Variants in OSBPL10 observed in about 807,000 individuals in gnomAD.
OSBPL10 encodes the protein oxysterol-binding protein-related protein 10.
A neutral mutation model predicts 81.7 loss-of-function variants in OSBPL10; 49 were observed. The observed-to-expected ratio is 0.60, with a 90% CI of 0.48 to 0.76. The LOEUF is 0.76. OSBPL10 is among the 30% of genes least tolerant of loss of function. The pLI, the probability that OSBPL10 is intolerant of heterozygous loss-of-function variation, is 0.00. For synonymous variants in OSBPL10, 419 were observed against 383.6 expected, an observed-to-expected ratio of 1.09 and a Z score of -1.08; for missense variants, 923 against 987.8, an observed-to-expected ratio of 0.93 and a Z score of 0.88.
At chr3:31,843,382 T>C (rs1327596739) in intron 3 of OSBPL10, among the ~76,000 whole-genome samples, 1 of 152,194 alleles carries the variant, frequency 6.6e-6, no homozygotes, top group East Asian at 1.9e-4. Context: ...TTGGCTTAAA[T>C]TGCCCACAGC....
chr3:31,734,001 C>T (rs1316036672), intron 5 of OSBPL10, among the ~76,000 whole-genome samples: 1 of 150,224 alleles, frequency 6.7e-6, no homozygotes, highest in African/African-American at 2.5e-5. Context: ...CAGAGCAAGA[C>T]TCTGTCTCAA....
intron 1 of OSBPL10, among the ~76,000 whole-genome samples, chr3:31,945,733 GA>G (rs1697681148): frequency 1.3e-5 from 2 of 152,174 alleles, no homozygotes. Flanking sequence ...CCCTTGACCA[GA>G]GGGGTTTATA....
chr3:32,006,983 A>T (rs971439331), intron 2 of OSBPL10, among the ~76,000 whole-genome samples: 1 of 151,806 alleles, frequency 6.6e-6, no homozygotes, highest in African/African-American at 2.4e-5. Context: ...GCCCAGGCTG[A>T]TCTCAAACTC....
At chr3:31,962,638 A>T (rs562055187) in intron 1 of OSBPL10, among the ~76,000 whole-genome samples, 20 of 152,162 alleles carry the variant, frequency 1.3e-4, no homozygotes, top group Middle Eastern at 3.2e-3. Flanking sequence ...AGAAATGTAC[A>T]GTTAGGGTTT....
At position 31,963,840 on chromosome 3, in the gene OSBPL10, AT is replaced by A. The variant is rs557535829; in HGVS notation, c.281+17058del. Among the ~76,000 whole-genome samples, 277 of 146,326 alleles carry A rather than the reference AT, an allele frequency of 1.9e-3. 1 individual carries two copies. Among genetic ancestry groups the A allele is most frequent in the African/African-American group, 3.7e-3 (148 of 40,144 alleles). On this transcript the variant is annotated intron_variant, in intron 1 of 11. Transcript: ENST00000396556. Reference sequence around the variant, plus strand: ...TCACCTTCCACACCCTCCCAATTAGATTTTTTTTTTTTAATCTCAAGGTCCT... The same window carrying A: ...TCACCTTCCACACCCTCCCAATTAGATTTTTTTTTTTAATCTCAAGGTCCT...
At chr3:31,733,166 A>G in intron 6 of OSBPL10, 91 bp downstream of exon 6, 1 of 1,530,540 alleles carries the variant, frequency 6.5e-7, no homozygotes, top group Non-Finnish European at 8.8e-7. Context: ...CTCTTAAAAC[A>G]AAGAGATGAG....
At chr3:31,940,983 C>G (rs949048761) in intron 1 of OSBPL10, among the ~76,000 whole-genome samples, 4 of 152,080 alleles carry the variant, frequency 2.6e-5, no homozygotes, top group African/African-American at 9.7e-5. Context: ...ATTTCCCTCC[C>G]CAGAATGTGA....
rs1559483392 is a variant in OSBPL10, at chr3:31,830,226, A to G, written c.543T>C (p.Ala181=). ...TGAGACTTCGGCTTCGGGAGCTTGG[A>G]GCACTCTAGAATAAGCAACAGGTGT... The part of the protein sequence containing the change: ...KYHMEMNSKS[A]PSSRSRSLTL... The change falls in exon 4 of 12, where the codon GCT becomes GCC. Residue 181 remains alanine, a synonymous_variant. Coordinates refer to ENST00000396556, the MANE Select transcript of OSBPL10 (RefSeq NM_017784.5). 6.2e-7 allele frequency: 1 copy of G among 1,613,020 alleles called. No homozygotes were observed. The highest frequency in any genetic ancestry group is 8.5e-7 in the Non-Finnish European group (1 of 1,179,544).
intron 1 of OSBPL10, among the ~76,000 whole-genome samples, chr3:32,061,843 T>C (rs115370917): frequency 0.014 from 1,283 of 92,890 alleles, 272 homozygotes; most frequent in African/African-American, 0.034. Context: ...CTTACTGTGT[T>C]GAGCAGGCTG....
At chr3:31,687,321 A>C (rs904912109) in intron 7 of OSBPL10, among the ~76,000 whole-genome samples, 3 of 152,140 alleles carry the variant, frequency 2.0e-5, no homozygotes, top group African/African-American at 7.2e-5. Flanking sequence ...TCTAGACAAG[A>C]ATCTTCATGT....
At chr3:31,784,479 T>C (rs1352407191) in intron 4 of OSBPL10, among the ~76,000 whole-genome samples, 2 of 152,234 alleles carry the variant, frequency 1.3e-5, no homozygotes, top group Non-Finnish European at 2.9e-5. Flanking sequence ...TACTTGTATT[T>C]ATTATAAAGA....
intron 3 of OSBPL10, among the ~76,000 whole-genome samples, chr3:31,843,541 A>G (rs956584823): frequency 6.6e-6 from 1 of 152,198 alleles, no homozygotes; most frequent in African/African-American, 2.4e-5. Context: ...GAACCCATCT[A>G]AAACAATAAA....
intron 2 of OSBPL10, chr3:32,030,679 T>C (rs1251576957): frequency 7.7e-6 from 8 of 1,038,842 alleles, no homozygotes; most frequent in Non-Finnish European, 1.1e-5. Flanking sequence ...CATGGCATAA[T>C]AGGTGTTAAA....
intron 4 of OSBPL10, among the ~76,000 whole-genome samples, chr3:31,811,789 A>G (rs980446284): frequency 1.3e-5 from 2 of 152,214 alleles, no homozygotes; most frequent in African/African-American, 4.8e-5. Context: ...TGGTAACAGT[A>G]GTTGCCCATC....
chr3:31,857,839 A>G, intron 3 of OSBPL10, among the ~76,000 whole-genome samples: 1 of 67,040 alleles, frequency 1.5e-5, no homozygotes, highest in Non-Finnish European at 2.8e-5. Context: ...AGGGAGAGGG[A>G]AAGAGGGAGG....
At chr3:31,701,367 ACCCTCCC>A (rs1695888857) in intron 7 of OSBPL10, among the ~76,000 whole-genome samples, 1 of 151,772 alleles carries the variant, frequency 6.6e-6, no homozygotes, top group African/African-American at 2.4e-5. Flanking sequence ...TCCCCAGCAC[ACCCTCCC>A]CGCAGATCAT....
At chr3:31,677,347 C>T (rs1191823168) in intron 8 of OSBPL10, among the ~76,000 whole-genome samples, 1 of 152,148 alleles carries the variant, frequency 6.6e-6, no homozygotes, top group Non-Finnish European at 1.5e-5. Context: ...GACGCAGCTA[C>T]TGAAGGGACT....
At chr3:31,894,610 C>T (rs1696001145) in intron 1 of OSBPL10, among the ~76,000 whole-genome samples, 3 of 152,180 alleles carry the variant, frequency 2.0e-5, no homozygotes, top group Admixed American at 2.0e-4. Flanking sequence ...ACTTCTCTTC[C>T]AAACACGTAT....
chr3:31,705,606 T>A (rs1696038670), intron 6 of OSBPL10, among the ~76,000 whole-genome samples: 1 of 152,172 alleles, frequency 6.6e-6, no homozygotes, highest in South Asian at 2.1e-4. Context: ...GGTCAAGGGT[T>A]TGTTGATTCC....
Sources: allele counts gnomAD v4.1 joint callset (sites outside exome capture counted in the v4.1 genomes callset), GRCh38; gene constraint gnomAD v4.1.1; transcripts MANE v1.5; gene names NCBI Gene and HGNC (gene_info 2026-07-23, HGNC 2026-07-21).